Variants in EHD1 observed in about 807,000 individuals in gnomAD.
EHD1 encodes the protein EH domain containing 1.
EHD1 carries 19 observed loss-of-function variants against 39.0 expected under a neutral mutation model. The ratio of observed to expected loss-of-function variants is 0.49; its 90% CI spans 0.34 to 0.72. EHD1 has a LOEUF of 0.72. EHD1 is among the 30% of genes least tolerant of loss of function. EHD1 has a pLI of 0.01. For synonymous variants in EHD1, 323 were observed against 331.2 expected (o/e 0.98, Z 0.27); for missense variants, 542 against 751.5 (o/e 0.72, Z 3.26).
At chr11:64,874,218 C>T (rs1460914335) in intron 2 of EHD1, among the ~76,000 whole-genome samples, 3 of 148,936 alleles carry the variant, frequency 2.0e-5, no homozygotes, top group South Asian at 2.1e-4. Context: ...GCAGGAGAAT[C>T]GCTTGAACCC....
At chr11:64,859,621 G>A (rs553880420) in intron 3 of EHD1, 93 of 344,786 alleles carry the variant, frequency 2.7e-4, no homozygotes, top group African/African-American at 1.7e-3. Flanking sequence ...TTGCTTCAGC[G>A]GTAACTTCCT....
At chr11:64,865,788 C>G (rs1396570190) in intron 2 of EHD1, among the ~76,000 whole-genome samples, 1 of 152,164 alleles carries the variant, frequency 6.6e-6, no homozygotes, top group Admixed American at 6.5e-5. Context: ...TAGAGAAATG[C>G]AAATCAAACC....
chr11:64,869,767 G>T lies in EHD1; in HGVS notation c.502+4654C>A, dbSNP rs538730597. Among the ~76,000 whole-genome samples, 11 of 152,310 alleles carry T rather than the reference G, an allele frequency of 7.2e-5. 3 individuals are homozygous for T. The highest frequency in any genetic ancestry group is 2.6e-4 in the African/African-American group (11 of 41,566). Reference sequence around the variant, plus strand: ...CACCTGGCCTGGCTCATGGCCTTTGGGCAGCCCCTGGGAGCATTTGATGGT... The same window carrying T: ...CACCTGGCCTGGCTCATGGCCTTTGTGCAGCCCCTGGGAGCATTTGATGGT... On this transcript the variant is annotated intron_variant, in intron 2 of 4. Transcript: ENST00000320631.
At position 64,878,585 on chromosome 11, in the gene EHD1, C is replaced by A; in HGVS notation, c.-121G>T. 6.9e-7 allele frequency: 1 copy of A among 1,440,870 alleles called. No homozygotes were observed. Among genetic ancestry groups the A allele is most frequent in the Non-Finnish European group, 9.1e-7 (1 of 1,102,904 alleles). The allele number at this position is 1,440,870 out of a possible 1,614,324, so 89.3% of individuals were successfully genotyped here. ...TCGGGAGCGACCCACACTGCGCAGG[C>A]GCACAGCCCAGCCCGTCGAAGCGCC... On this transcript the variant is annotated 5_prime_UTR_variant, in exon 1 of 5. Coordinates refer to ENST00000320631, the MANE Select transcript of EHD1 (RefSeq NM_006795.4).
chr11:64,858,180 T>G (rs1345470556), intron 3 of EHD1, among the ~76,000 whole-genome samples: 1 of 78,638 alleles, frequency 1.3e-5, no homozygotes, highest in Non-Finnish European at 3.1e-5. Context: ...GGCCAGAGCC[T>G]ATTTCTTTTC....
Position 64,874,474 on chromosome 11 carries a change from C to G in EHD1, c.449G>C (p.Ser150Thr), listed in dbSNP as rs1216773151. The change falls in exon 2 of 5, where the codon AGC (serine) becomes ACC (threonine). Residue 150 changes from serine (S) to threonine (T), a missense_variant. Physicochemically the swap from Ser to Thr is moderately conservative, Grantham distance 58. Transcript: ENST00000320631. The stretch of plus-strand genomic sequence containing the variant: ...CAGGATCCCGGGGGTGTCGATGATG[C>G]TGATGCTGTCCAGGACGGGGTTGGG... ...QLPNPVLDSI[S>T]IIDTPGILSG... 1 of 1,611,456 alleles carries G rather than the reference C, an allele frequency of 6.2e-7. No individual in the cohort carries two copies. Among genetic ancestry groups the G allele is most frequent in the Non-Finnish European group, 8.5e-7 (1 of 1,179,072 alleles).
At chr11:64,863,207 C>T (rs1045109931) in intron 2 of EHD1, among the ~76,000 whole-genome samples, 4 of 152,186 alleles carry the variant, frequency 2.6e-5, no homozygotes, top group Non-Finnish European at 5.9e-5. Context: ...GTCTGAGAGT[C>T]GCACAGCTTG....
chr11:64,878,383 G>A lies in EHD1; in HGVS notation c.82C>T (p.Leu28=). 1 of 1,613,556 alleles carries A rather than the reference G, an allele frequency of 6.2e-7. No homozygotes were observed. The highest frequency in any genetic ancestry group is 1.6e-4 in the Middle Eastern group (1 of 6,062). ...AGGGGTAGCAGCTTCTGCGCGTACA[G>A]CTGCCGCAGCCCCTCAGCCACCGTC... ...FQTVAEGLRQ[L]YAQKLLPLEE... The change falls in exon 1 of 5, where the codon CTG becomes TTG. Residue 28 remains leucine (L), a synonymous_variant. Coordinates refer to ENST00000320631, the MANE Select transcript of EHD1 (RefSeq NM_006795.4).
chr11:64,872,272 C>T (rs1168435575), intron 2 of EHD1, among the ~76,000 whole-genome samples: 1 of 152,170 alleles, frequency 6.6e-6, no homozygotes, highest in Non-Finnish European at 1.5e-5. Context: ...ACCAGCCTGG[C>T]CAACATGGCG....
intron 2 of EHD1, among the ~76,000 whole-genome samples, chr11:64,864,603 G>A (rs1045498261): frequency 1.3e-5 from 2 of 152,350 alleles, no homozygotes; most frequent in Non-Finnish European, 2.9e-5. Context: ...CTCTGGGAAC[G>A]CAGGTCAGTA....
At chr11:64,878,812 T>C, upstream of EHD1, 1 of 1,170,866 alleles carries the variant, frequency 8.5e-7, no homozygotes, top group Admixed American at 4.5e-5. Flanking sequence ...GAGGCTGTGG[T>C]CCGGGTGCCG....
upstream of EHD1, chr11:64,878,936 C>G (rs945220475): frequency 2.0e-6 from 2 of 1,013,584 alleles, no homozygotes; most frequent in African/African-American, 3.5e-5. Flanking sequence ...CGCGCGCCTT[C>G]CGGCACCGTG....
intron 3 of EHD1, among the ~76,000 whole-genome samples, chr11:64,858,028 T>A (rs1197535005): frequency 6.8e-5 from 1 of 14,648 alleles, no homozygotes; most frequent in East Asian, 8.8e-4. Flanking sequence ...GCAAGGGCCT[T>A]TTTTTTTTTT....
Position 64,860,340 on chromosome 11 carries a change from G to A in EHD1, c.503-4C>T, listed in dbSNP as rs71581707. ...AGGACGGCTGCAAAGTCATAGCCTGGGGGGAAGAGAAGGGAGAGCTCAGGG... is the reference window on the plus strand; with the variant it reads ...AGGACGGCTGCAAAGTCATAGCCTGAGGGGAAGAGAAGGGAGAGCTCAGGG... On this transcript the variant is annotated splice_region_variant and splice_polypyrimidine_tract_variant and intron_variant, in intron 2 of 4. Coordinates refer to ENST00000320631, the MANE Select transcript of EHD1 (RefSeq NM_006795.4). 4 of 1,606,004 alleles carry A rather than the reference G, an allele frequency of 2.5e-6. No individual in the cohort carries two copies. The highest frequency in any genetic ancestry group is 1.7e-5 in the Admixed American group (1 of 59,798).
upstream of EHD1, chr11:64,878,661 C>G: frequency 7.3e-7 from 1 of 1,369,846 alleles, no homozygotes; most frequent in Non-Finnish European, 9.4e-7. Flanking sequence ...TAGGGTCGGT[C>G]CCTCAGTGGC....
chr11:64,878,624 T>G (rs929783094), upstream of EHD1: 21 of 1,397,198 alleles, frequency 1.5e-5, no homozygotes, highest in African/African-American at 2.4e-4. Flanking sequence ...TGCCGAATGC[T>G]GCGCACCCCT....
At chr11:64,857,545 T>C (rs1162626193) in intron 3 of EHD1, among the ~76,000 whole-genome samples, 2 of 152,166 alleles carry the variant, frequency 1.3e-5, no homozygotes, top group Non-Finnish European at 2.9e-5. Flanking sequence ...CAGGCCAGAA[T>C]GAGAATTCCT....
intron 1 of EHD1, 28 bp from the exon 2 acceptor site, chr11:64,874,546 G>A: frequency 6.4e-7 from 1 of 1,562,392 alleles, no homozygotes; most frequent in Non-Finnish European, 8.7e-7. Flanking sequence ...CCAGAAGAGA[G>A]GCGTCAAGAC....
At position 64,853,162 on chromosome 11, in the gene EHD1, CA is replaced by C. The variant is rs1028360259; in HGVS notation, c.*1170del. 5.3e-5 allele frequency: 8 copies of C among 151,996 alleles called. No homozygotes were observed. Among genetic ancestry groups the C allele is most frequent in the African/African-American group, 1.9e-4 (8 of 41,380 alleles). 9.4% of individuals were successfully genotyped at this position (151,996 alleles called of 1,614,324 possible). Reference sequence around the variant, plus strand: ...GTTTCTTATTGCTCAACCTGGGGGCCAGGGGCGTTGTAAGGACATCCAAGTG... The same window carrying C: ...GTTTCTTATTGCTCAACCTGGGGGCCGGGGCGTTGTAAGGACATCCAAGTG... On this transcript the variant is annotated 3_prime_UTR_variant, in exon 5 of 5. Transcript: ENST00000320631.
Sources: gnomAD v4.1 joint callset for allele counts (sites outside exome capture counted in the v4.1 genomes callset) on GRCh38, gnomAD v4.1.1 for gene constraint, MANE v1.5 for transcripts, NCBI Gene and HGNC (gene_info 2026-07-23, HGNC 2026-07-21) for gene names.